The following CDH18 variants were observed in gnomAD, a reference collection of about 807,000 sequenced individuals.
The protein encoded by CDH18 is cadherin-18.
In CDH18, 31 loss-of-function variants were observed where a neutral mutation model predicts 67.9. The observed-to-expected ratio is 0.46, with a 90% CI of 0.34 to 0.62. The LOEUF (loss-of-function observed/expected upper bound fraction) is 0.62, where lower values mean the gene tolerates loss of function less well. Among genes scored for constraint, CDH18 ranks in the 20% least tolerant of loss-of-function variants. The pLI is 0.01. For missense variants in CDH18, 890 were observed against 975.5 expected, an observed-to-expected ratio of 0.91 and a Z score of 1.17; for synonymous variants, 362 against 347.2, an observed-to-expected ratio of 1.04 and a Z score of -0.48.
chr5:19,726,156 C>T (rs540020537), intron 4 of CDH18, among the ~76,000 whole-genome samples: 3 of 151,698 alleles, frequency 2.0e-5, no homozygotes, highest in East Asian at 1.9e-4. Context: ...TTGAGATACA[C>T]GAAGGCAGTG....
chr5:20,120,613 T>C (rs1040124077), intron 2 of CDH18, among the ~76,000 whole-genome samples: 1 of 152,114 alleles, frequency 6.6e-6, no homozygotes, highest in African/African-American at 2.4e-5. Flanking sequence ...AGAAATTTCA[T>C]TGGAAAATTT....
At chr5:20,179,758 T>C (rs1307012587) in intron 2 of CDH18, among the ~76,000 whole-genome samples, 1 of 152,088 alleles carries the variant, frequency 6.6e-6, no homozygotes, top group African/African-American at 2.4e-5. Flanking sequence ...ATCTCAAAAT[T>C]CTTTGAATCA....
In CDH18 at chr5:20,220,666, A is replaced by T. The variant is rs533716409; in HGVS notation, c.-518+34778T>A. On this transcript the variant is annotated intron_variant, in intron 2 of 14. Coordinates refer to the CDH18 transcript ENST00000507958. ...GGAATCTTCTGCACAGCAAGGGCAA[A>T]AACCAGCCAAGTGAAGATACAACCC... 3.3e-5 allele frequency among the ~76,000 whole-genome samples: 5 copies of T among 152,064 alleles called. No homozygotes were observed. The South Asian group carries it at 1.0e-3, about 32-fold the overall frequency.
intron 2 of CDH18, among the ~76,000 whole-genome samples, chr5:20,204,752 G>A (rs1036165982): frequency 2.0e-5 from 3 of 151,872 alleles, no homozygotes; most frequent in African/African-American, 7.2e-5. Context: ...AATCAAAATT[G>A]TATGGGGGAG....
At chr5:20,274,992 C>G (rs982305918) in intron 1 of CDH18, among the ~76,000 whole-genome samples, 3 of 152,066 alleles carry the variant, frequency 2.0e-5, no homozygotes, top group African/African-American at 7.2e-5. Flanking sequence ...AAGACCATAT[C>G]AAGGCCCTTA....
At chr5:19,699,262 T>C (rs1762909284) in intron 5 of CDH18, among the ~76,000 whole-genome samples, 1 of 152,162 alleles carries the variant, frequency 6.6e-6, no homozygotes, top group Non-Finnish European at 1.5e-5. Flanking sequence ...TATTGTCTTA[T>C]TCAATGTTCC....
At chr5:19,741,844 G>T (rs1334088386) in intron 4 of CDH18, among the ~76,000 whole-genome samples, 2 of 152,052 alleles carry the variant, frequency 1.3e-5, no homozygotes, top group Non-Finnish European at 2.9e-5. Flanking sequence ...TTGTGGTTGT[G>T]GGAGGAACAC....
At chr5:19,524,063 GATA>G (rs1266652228) in intron 9 of CDH18, among the ~76,000 whole-genome samples, 1 of 151,794 alleles carries the variant, frequency 6.6e-6, no homozygotes, top group East Asian at 1.9e-4. Context: ...AAACTAATAA[GATA>G]ATGTTTAGGA....
intron 2 of CDH18, among the ~76,000 whole-genome samples, chr5:19,883,808 C>A (rs76056634): frequency 6.6e-6 from 1 of 151,834 alleles, no homozygotes; most frequent in Non-Finnish European, 1.5e-5. Context: ...CAAGGATAGA[C>A]GAGAGTTTAC....
At chr5:19,905,158 A>G (rs914478254) in intron 2 of CDH18, among the ~76,000 whole-genome samples, 6 of 152,178 alleles carry the variant, frequency 3.9e-5, no homozygotes, top group African/African-American at 1.4e-4. Context: ...CCGATTTCCA[A>G]GTTAGAAATT....
chr5:19,729,546 G>A lies in CDH18; in HGVS notation c.524-8080C>T, dbSNP rs553528700. ...TGGTCCTTGCTGGTGTACAATGACA[G>A]TCCAGATGCATCTACTTGGGCAGAA... On this transcript the variant is annotated intron_variant, in intron 4 of 12. Coordinates refer to ENST00000382275, the MANE Select transcript of CDH18 (RefSeq NM_004934.5). Among the ~76,000 whole-genome samples the A allele has an allele frequency of 8.5e-4, 130 of 152,268 alleles. 4 individuals carry two copies. The South Asian group carries it at 0.024, about 28-fold the overall frequency.
chr5:19,695,872 C>T (rs911531700), intron 5 of CDH18, among the ~76,000 whole-genome samples: 34 of 152,270 alleles, frequency 2.2e-4, no homozygotes, highest in African/African-American at 7.7e-4. Flanking sequence ...AATGCAGCCT[C>T]ACACCTAAAA....
At chr5:20,324,023 T>A (rs2150011506) in intron 1 of CDH18, among the ~76,000 whole-genome samples, 1 of 152,316 alleles carries the variant, frequency 6.6e-6, no homozygotes, top group Admixed American at 6.5e-5. Context: ...CTTTCACACA[T>A]CCTACTTTTG....
At chr5:19,651,167 A>T (rs1755516029) in intron 5 of CDH18, among the ~76,000 whole-genome samples, 1 of 152,056 alleles carries the variant, frequency 6.6e-6, no homozygotes, top group African/African-American at 2.4e-5. Flanking sequence ...TTATGGACTC[A>T]TAGGTTCAAG....
intron 3 of CDH18, among the ~76,000 whole-genome samples, chr5:19,770,163 C>T (rs972089057): frequency 6.6e-6 from 1 of 151,958 alleles, no homozygotes; most frequent in Non-Finnish European, 1.5e-5. Context: ...TTGTCAATTT[C>T]TCAAAATATT....
At chr5:20,554,030 T>A (rs941812151) in intron 1 of CDH18, among the ~76,000 whole-genome samples, 2 of 152,236 alleles carry the variant, frequency 1.3e-5, no homozygotes, top group Admixed American at 1.3e-4. Context: ...CTATAAATTT[T>A]CAACTCTTTA....
chr5:19,757,946 G>A (rs1284522097), intron 3 of CDH18, among the ~76,000 whole-genome samples: 1 of 152,148 alleles, frequency 6.6e-6, no homozygotes, highest in Non-Finnish European at 1.5e-5. Flanking sequence ...CTTTTGGGTG[G>A]TGCCTGAATA....
chr5:19,856,352 C>T (rs1784286146), intron 2 of CDH18, among the ~76,000 whole-genome samples: 1 of 152,106 alleles, frequency 6.6e-6, no homozygotes, highest in Non-Finnish European at 1.5e-5. Flanking sequence ...GTGTACCCTA[C>T]CTGTTTTGAT....
intron 2 of CDH18, among the ~76,000 whole-genome samples, chr5:19,913,571 T>A (rs1791400882): frequency 1.3e-5 from 2 of 152,104 alleles, no homozygotes; most frequent in Admixed American, 1.3e-4. Context: ...AGAGTAGGTA[T>A]GTGTTCATGG....
Sources: gnomAD v4.1 joint callset for allele counts (sites outside exome capture counted in the v4.1 genomes callset) on GRCh38, gnomAD v4.1.1 for gene constraint, MANE v1.5 for transcripts, NCBI Gene and HGNC (gene_info 2026-07-23, HGNC 2026-07-21) for gene names.